EPHA3: variants seen among roughly 807,000 people sequenced by gnomAD.
EPHA3 encodes the protein EPH receptor A3.
Under a neutral mutation model 107.1 loss-of-function variants are expected in EPHA3, and 42 were observed. The observed-to-expected ratio is 0.39, with a 90% CI of 0.31 to 0.51. EPHA3 has a LOEUF of 0.51. EPHA3 is among the 20% of genes least tolerant of loss of function. EPHA3 has a pLI of 0.78. For missense variants in EPHA3, 1,183 were observed against 1,211.2 expected (o/e 0.98, Z 0.35); for synonymous variants, 461 against 424.8 (o/e 1.09, Z -1.05).
chr3:89,240,091 A>G (rs909386468), intron 3 of EPHA3, among the ~76,000 whole-genome samples: 2 of 152,324 alleles, frequency 1.3e-5, no homozygotes, highest in African/African-American at 4.8e-5. Flanking sequence ...GGGCCAAAGC[A>G]GGGGCTGTTC....
chr3:89,111,508 T>TA (rs1553702747), intron 1 of EPHA3, among the ~76,000 whole-genome samples: 3 of 128,938 alleles, frequency 2.3e-5, no homozygotes, highest in Admixed American at 1.7e-4. Context: ...CACCCCTACA[T>TA]CCCCCCCCCA....
chr3:89,237,550 A>G (rs1316121096), intron 3 of EPHA3, among the ~76,000 whole-genome samples: 1 of 152,176 alleles, frequency 6.6e-6, no homozygotes, highest in Middle Eastern at 3.2e-3. Context: ...TTTCTGCCCT[A>G]TGATTTCAAC....
At chr3:89,422,001 G>C (rs1341269766) in intron 11 of EPHA3, among the ~76,000 whole-genome samples, 4 of 151,082 alleles carry the variant, frequency 2.6e-5, no homozygotes, top group Non-Finnish European at 4.4e-5. Flanking sequence ...GGTCAAATAA[G>C]CATGTAAGAA....
intron 7 of EPHA3, among the ~76,000 whole-genome samples, chr3:89,404,433 C>T (rs916453558): frequency 1.3e-5 from 2 of 152,154 alleles, no homozygotes; most frequent in Non-Finnish European, 2.9e-5. Flanking sequence ...GGAGTTCTGA[C>T]TCAAAAGAAT....
rs370924340 is a variant in EPHA3 at position 89,143,311 on chromosome 3, T to C, written c.153+16038T>C. Reference sequence around the variant, plus strand: ...TGTCATGTTAATTAATATAACCCAATCTGTACTACTAAGTGGCGTTGAAAG... The same window carrying C: ...TGTCATGTTAATTAATATAACCCAACCTGTACTACTAAGTGGCGTTGAAAG... On this transcript the variant is annotated intron_variant, in intron 2 of 16. Coordinates refer to ENST00000336596, the MANE Select transcript of EPHA3 (RefSeq NM_005233.6). Among the ~76,000 whole-genome samples, 44 of 151,600 alleles carry C rather than the reference T, an allele frequency of 2.9e-4. No homozygotes were observed. The South Asian group carries it at 8.9e-3, about 31-fold the overall frequency.
chr3:89,268,977 A>G (rs1310493053), intron 3 of EPHA3, among the ~76,000 whole-genome samples: 1 of 151,818 alleles, frequency 6.6e-6, no homozygotes, highest in Non-Finnish European at 1.5e-5. Flanking sequence ...ACAAGGTCAT[A>G]GGATAAACCC....
intron 2 of EPHA3, among the ~76,000 whole-genome samples, chr3:89,135,975 A>G (rs1704301582): frequency 6.6e-6 from 1 of 152,158 alleles, no homozygotes; most frequent in Non-Finnish European, 1.5e-5. Context: ...ATTTGCCTGT[A>G]GTATTAGAAT....
At chr3:89,184,899 CT>C (rs780472468) in intron 2 of EPHA3, among the ~76,000 whole-genome samples, 9 of 152,162 alleles carry the variant, frequency 5.9e-5, no homozygotes, top group African/African-American at 2.2e-4. Context: ...GCTCCCAAAT[CT>C]TGTGTCCATT....
At chr3:89,239,639 G>T (rs1309570130) in intron 3 of EPHA3, among the ~76,000 whole-genome samples, 2 of 152,144 alleles carry the variant, frequency 1.3e-5, no homozygotes, top group African/African-American at 4.8e-5. Flanking sequence ...CAGGATTACA[G>T]ATATAAACAC....
At chr3:89,239,684 T>G (rs1704849914) in intron 3 of EPHA3, among the ~76,000 whole-genome samples, 1 of 152,322 alleles carries the variant, frequency 6.6e-6, no homozygotes, top group Non-Finnish European at 1.5e-5. Context: ...TCTTCTCTTT[T>G]ATGACCTTTT....
chr3:89,165,799 C>T (rs1419110688), intron 2 of EPHA3, among the ~76,000 whole-genome samples: 2 of 152,298 alleles, frequency 1.3e-5, no homozygotes, highest in South Asian at 2.1e-4. Flanking sequence ...AGGCCCCTGC[C>T]GTTCTGGAAC....
At chr3:89,227,677 T>C (rs967797248) in intron 3 of EPHA3, among the ~76,000 whole-genome samples, 10 of 151,976 alleles carry the variant, frequency 6.6e-5, no homozygotes, top group African/African-American at 2.2e-4. Flanking sequence ...GATTCATAGC[T>C]TCACCTGTGA....
chr3:89,335,826 A>C (rs1432020934), intron 3 of EPHA3, among the ~76,000 whole-genome samples: 1 of 152,194 alleles, frequency 6.6e-6, no homozygotes, highest in African/African-American at 2.4e-5. Context: ...CCTGGGGTTA[A>C]GATCCATGAA....
chr3:89,243,820 T>A (rs1704968336), intron 3 of EPHA3, among the ~76,000 whole-genome samples: 1 of 152,256 alleles, frequency 6.6e-6, no homozygotes, highest in Admixed American at 6.5e-5. Flanking sequence ...CTTGAACTGG[T>A]GGAGTTCTTA....
chr3:89,403,457 A>G (rs1335569106), intron 7 of EPHA3, among the ~76,000 whole-genome samples: 1 of 152,134 alleles, frequency 6.6e-6, no homozygotes, highest in Non-Finnish European at 1.5e-5. Flanking sequence ...TAGAATCTCC[A>G]GGTTTTGAAG....
chr3:89,350,929 G>C (rs937948483), intron 5 of EPHA3, among the ~76,000 whole-genome samples: 1 of 151,378 alleles, frequency 6.6e-6, no homozygotes, highest in African/African-American at 2.4e-5. Context: ...TAGGCTGCTC[G>C]GGGGTCAGGG....
At chr3:89,252,167 T>C (rs1208773227) in intron 3 of EPHA3, among the ~76,000 whole-genome samples, 1 of 152,192 alleles carries the variant, frequency 6.6e-6, no homozygotes, top group African/African-American at 2.4e-5. Context: ...ATACACTTCT[T>C]ATACTGCAAA....
chr3:89,114,871 A>G (rs1196807854), intron 1 of EPHA3, among the ~76,000 whole-genome samples: 1 of 152,216 alleles, frequency 6.6e-6, no homozygotes, highest in Non-Finnish European at 1.5e-5. Context: ...GACGCCAGAG[A>G]GTCCATGCGC....
At chr3:89,372,358 C>A (rs1016722953) in intron 5 of EPHA3, among the ~76,000 whole-genome samples, 8 of 151,624 alleles carry the variant, frequency 5.3e-5, no homozygotes, top group African/African-American at 9.7e-5. Context: ...CTAGCAGCAA[C>A]CCCCTCACCC....
Sources: gnomAD v4.1 joint callset for allele counts (sites outside exome capture counted in the v4.1 genomes callset) on GRCh38, gnomAD v4.1.1 for gene constraint, MANE v1.5 for transcripts, NCBI Gene and HGNC (gene_info 2026-07-23, HGNC 2026-07-21) for gene names.